CACNA2D1: variants seen among roughly 807,000 people sequenced by gnomAD.
CACNA2D1 encodes voltage-dependent calcium channel subunit alpha-2/delta-1.
A neutral mutation model predicts 171.5 loss-of-function variants in CACNA2D1; 53 were observed. The observed-to-expected ratio is 0.31, with a 90% CI of 0.25 to 0.39. CACNA2D1 has a LOEUF of 0.39. Among genes scored for constraint, CACNA2D1 ranks in the 10% least tolerant of loss-of-function variants. The pLI is 1.00. For synonymous variants in CACNA2D1, 442 were observed against 443.1 expected (o/e 1.00, Z 0.03); for missense variants, 903 against 1,299.8 (o/e 0.69, Z 4.69).
intron 3 of CACNA2D1, among the ~76,000 whole-genome samples, chr7:82,291,496 TTA>T (rs1045681311): frequency 7.3e-6 from 1 of 136,930 alleles, no homozygotes; most frequent in Admixed American, 7.8e-5. Context: ...ATATATATTT[TTA>T]TATATAGATA....
At chr7:82,292,424 T>G (rs887473022) in intron 3 of CACNA2D1, among the ~76,000 whole-genome samples, 5 of 152,192 alleles carry the variant, frequency 3.3e-5, no homozygotes, top group Non-Finnish European at 5.9e-5. Flanking sequence ...CTTTTACTGT[T>G]TGTTTCCTTG....
At chr7:82,184,069 G>T (rs759066531) in intron 3 of CACNA2D1, among the ~76,000 whole-genome samples, 14 of 150,250 alleles carry the variant, frequency 9.3e-5, no homozygotes, top group Non-Finnish European at 1.8e-4. Context: ...CCAATTCAGT[G>T]AGTAGGATGG....
intron 31 of CACNA2D1, among the ~76,000 whole-genome samples, chr7:81,965,884 T>G (rs1794663063): frequency 6.6e-6 from 1 of 151,758 alleles, no homozygotes; most frequent in African/African-American, 2.4e-5. Flanking sequence ...ACCATCCACT[T>G]GAGACTGTCA....
intron 6 of CACNA2D1, among the ~76,000 whole-genome samples, chr7:82,097,006 A>T (rs1811962824): frequency 6.6e-6 from 1 of 152,132 alleles, no homozygotes; most frequent in African/African-American, 2.4e-5. Context: ...AACTAAGCAA[A>T]GGTTTTGAGG....
At chr7:82,171,930 G>C (rs1318081704) in intron 3 of CACNA2D1, among the ~76,000 whole-genome samples, 2 of 152,008 alleles carry the variant, frequency 1.3e-5, no homozygotes, top group Admixed American at 1.3e-4. Context: ...GTCTACACTG[G>C]ATAAACATCC....
At chr7:82,244,810 T>G (rs1008609164) in intron 3 of CACNA2D1, among the ~76,000 whole-genome samples, 1 of 152,160 alleles carries the variant, frequency 6.6e-6, no homozygotes, top group Non-Finnish European at 1.5e-5. Context: ...GTGCTTAATT[T>G]TTTTTAAGTA....
chr7:81,997,976 A>G (rs1798219837), intron 18 of CACNA2D1, among the ~76,000 whole-genome samples: 1 of 151,926 alleles, frequency 6.6e-6, no homozygotes, highest in Non-Finnish European at 1.5e-5. Flanking sequence ...TATAATAATA[A>G]AGAAAGAACA....
At chr7:82,380,098 T>G (rs1302331982) in intron 1 of CACNA2D1, among the ~76,000 whole-genome samples, 1 of 152,186 alleles carries the variant, frequency 6.6e-6, no homozygotes, top group African/African-American at 2.4e-5. Flanking sequence ...ACATTTACAT[T>G]CTATTTTCAA....
At chr7:81,980,820 G>A (rs947789325) in intron 24 of CACNA2D1, among the ~76,000 whole-genome samples, 3 of 152,098 alleles carry the variant, frequency 2.0e-5, no homozygotes, top group Non-Finnish European at 2.9e-5. Context: ...TGAGATACAA[G>A]AGAAAGGAAG....
chr7:82,046,604 T>G (rs1051909071), intron 10 of CACNA2D1, among the ~76,000 whole-genome samples: 4 of 152,158 alleles, frequency 2.6e-5, no homozygotes, highest in Non-Finnish European at 4.4e-5. Context: ...TTTTCTAGAT[T>G]AGGTGGAAAG....
intron 2 of CACNA2D1, among the ~76,000 whole-genome samples, chr7:82,341,561 T>G (rs1454951078): frequency 6.6e-6 from 1 of 152,224 alleles, no homozygotes; most frequent in Non-Finnish European, 1.5e-5. Flanking sequence ...ATAAATGATG[T>G]AATCTACTAA....
At chr7:81,965,385 C>G (rs945797680) in intron 32 of CACNA2D1, among the ~76,000 whole-genome samples, 9 of 151,746 alleles carry the variant, frequency 5.9e-5, no homozygotes, top group Non-Finnish European at 1.3e-4. Context: ...TTTAATGATA[C>G]CAGTACTAAA....
At chr7:82,411,818 T>TA (rs897170124) in intron 1 of CACNA2D1, among the ~76,000 whole-genome samples, 34 of 147,814 alleles carry the variant, frequency 2.3e-4, no homozygotes, top group South Asian at 1.3e-3. Flanking sequence ...TGCTGAGAAG[T>TA]AAAAAAAAAA....
chr7:82,223,828 C>T (rs941541610), intron 3 of CACNA2D1, among the ~76,000 whole-genome samples: 10 of 152,168 alleles, frequency 6.6e-5, no homozygotes, highest in East Asian at 5.8e-4. Context: ...AGATATGCCA[C>T]GCTCCTGCTT....
At chr7:82,190,987 G>A (rs976408525) in intron 3 of CACNA2D1, among the ~76,000 whole-genome samples, 6 of 151,536 alleles carry the variant, frequency 4.0e-5, no homozygotes, top group Non-Finnish European at 7.4e-5. Flanking sequence ...ACTTTTAATA[G>A]GTATACTGTT....
chr7:82,190,926 A>G (rs1359517567), intron 3 of CACNA2D1, among the ~76,000 whole-genome samples: 1 of 151,744 alleles, frequency 6.6e-6, no homozygotes, highest in Non-Finnish European at 1.5e-5. Context: ...ATTGAATGAC[A>G]CTACAAAATT....
At chr7:82,402,877 A>C (rs976364406) in intron 1 of CACNA2D1, among the ~76,000 whole-genome samples, 2 of 152,022 alleles carry the variant, frequency 1.3e-5, no homozygotes, top group Non-Finnish European at 2.9e-5. Flanking sequence ...AGAACAGATC[A>C]TTGGGGTTGG....
At chr7:82,271,797 C>T (rs1283816878) in intron 3 of CACNA2D1, among the ~76,000 whole-genome samples, 2 of 151,988 alleles carry the variant, frequency 1.3e-5, no homozygotes, top group Non-Finnish European at 2.9e-5. Context: ...TAATCATTTT[C>T]CTCTTTCCTG....
intron 5 of CACNA2D1, among the ~76,000 whole-genome samples, chr7:82,120,874 CAAA>C (rs749679830): frequency 3.8e-5 from 4 of 104,572 alleles, no homozygotes; most frequent in Admixed American, 3.3e-4. Context: ...GACTCTATCT[CAAA>C]AAAAAAAAAA....
Sources: allele counts gnomAD v4.1 joint callset (sites outside exome capture counted in the v4.1 genomes callset), GRCh38; gene constraint gnomAD v4.1.1; transcripts MANE v1.5; gene names NCBI Gene and HGNC (gene_info 2026-07-23, HGNC 2026-07-21).